Variants in TSHZ2 observed in about 807,000 individuals in gnomAD.
The protein encoded by TSHZ2 is teashirt zinc finger homeobox 2.
Under a neutral mutation model 74.4 loss-of-function variants are expected in TSHZ2, and 21 were observed. The ratio of observed to expected loss-of-function variants is 0.28; its 90% CI spans 0.20 to 0.41. TSHZ2 has a LOEUF of 0.41. TSHZ2 is among the 10% of genes least tolerant of loss of function. The probability of loss-of-function intolerance (pLI) is 1.00; values close to 1 mark genes in which losing one functional copy is unlikely to be tolerated. For missense variants in TSHZ2, 1,244 were observed against 1,293.5 expected, an observed-to-expected ratio of 0.96 and a Z score of 0.59; for synonymous variants, 540 against 515.3, an observed-to-expected ratio of 1.05 and a Z score of -0.65.
At chr20:53,050,126 C>CACATATATATATGT (rs1984390537) in intron 1 of TSHZ2, among the ~76,000 whole-genome samples, 5 of 100,994 alleles carry the variant, frequency 5.0e-5, no homozygotes, top group East Asian at 3.1e-4. Context: ...TATATATATA[C>CACATATATATATGT]ACATATATAT....
intron 1 of TSHZ2, among the ~76,000 whole-genome samples, chr20:53,018,217 T>C (rs1983111054): frequency 6.6e-6 from 1 of 152,168 alleles, no homozygotes. Context: ...GCTAGAAGAC[T>C]CTAGAGTTAT....
intron 1 of TSHZ2, among the ~76,000 whole-genome samples, chr20:53,040,667 G>A (rs1233020419): frequency 6.6e-6 from 1 of 151,998 alleles, no homozygotes; most frequent in African/African-American, 2.4e-5. Flanking sequence ...TGGTTGTGGG[G>A]GCTTAGCCCT....
At chr20:53,199,165 T>G (rs898915693) in intron 1 of TSHZ2, among the ~76,000 whole-genome samples, 1 of 152,232 alleles carries the variant, frequency 6.6e-6, no homozygotes, top group African/African-American at 2.4e-5. Flanking sequence ...AATGTTAGTT[T>G]GTAGAATTAT....
Position 53,128,925 on chromosome 20 carries a change from G to A in TSHZ2, c.41-124574G>A, listed in dbSNP as rs1198652176. On this transcript the variant is annotated intron_variant, in intron 1 of 2. Transcript: ENST00000371497. The stretch of plus-strand genomic sequence containing the variant: ...ATAAGCCACCATGCCTGGCTGGGCA[G>A]GAGCACTTCCATATGCGCCAGGAGA... Among the ~76,000 whole-genome samples, 3 of 151,992 alleles carry A rather than the reference G, an allele frequency of 2.0e-5. No homozygotes were observed. The East Asian group carries it at 5.8e-4, about 29-fold the overall frequency.
intron 1 of TSHZ2, among the ~76,000 whole-genome samples, chr20:52,986,882 A>C (rs907108492): frequency 1.3e-5 from 2 of 152,068 alleles, no homozygotes; most frequent in Admixed American, 1.3e-4. Context: ...AAGAAATATT[A>C]AAAAATCAAT....
At chr20:53,443,103 C>T (rs183545238) in intron 2 of TSHZ2, among the ~76,000 whole-genome samples, 27 of 152,260 alleles carry the variant, frequency 1.8e-4, no homozygotes, top group Admixed American at 1.5e-3. Flanking sequence ...ACATCCATCA[C>T]CATTTAATTC....
At chr20:53,473,930 A>C (rs1354021593) in intron 2 of TSHZ2, among the ~76,000 whole-genome samples, 3 of 152,194 alleles carry the variant, frequency 2.0e-5, no homozygotes, top group Non-Finnish European at 4.4e-5. Flanking sequence ...AAATGAATGA[A>C]ATGAAGCGAG....
chr20:53,182,462 A>G (rs1266073238), intron 1 of TSHZ2, among the ~76,000 whole-genome samples: 1 of 152,250 alleles, frequency 6.6e-6, no homozygotes, highest in Admixed American at 6.5e-5. Context: ...GCATAGAGGT[A>G]ACGAGGTGGG....
intron 2 of TSHZ2, among the ~76,000 whole-genome samples, chr20:53,432,052 C>G (rs559323402): frequency 6.6e-6 from 1 of 152,076 alleles, no homozygotes; most frequent in African/African-American, 2.4e-5. Flanking sequence ...ATATAGTAGT[C>G]AAGTCTGAAA....
At chr20:53,214,288 C>T (rs1042600077) in intron 1 of TSHZ2, among the ~76,000 whole-genome samples, 5 of 152,006 alleles carry the variant, frequency 3.3e-5, no homozygotes, top group East Asian at 1.9e-4. Context: ...GGATGATGGA[C>T]GATTGAACAA....
chr20:53,466,207 T>C (rs6022495), intron 2 of TSHZ2, among the ~76,000 whole-genome samples: 115,987 of 150,864 alleles, frequency 0.77, 45,630 homozygotes, highest in African/African-American at 0.93. Flanking sequence ...GAGATCGTGC[T>C]GTTGCACTCT....
At chr20:53,088,840 T>G (rs1185311585) in intron 1 of TSHZ2, among the ~76,000 whole-genome samples, 1 of 152,174 alleles carries the variant, frequency 6.6e-6, no homozygotes, top group Non-Finnish European at 1.5e-5. Context: ...GAGACTCCAC[T>G]GCCGCTCACC....
intron 2 of TSHZ2, among the ~76,000 whole-genome samples, chr20:53,444,173 T>A (rs1477171543): frequency 6.6e-6 from 1 of 152,192 alleles, no homozygotes; most frequent in Non-Finnish European, 1.5e-5. Context: ...GAAGCCCCAG[T>A]TTCCCTGAGA....
chr20:53,023,941 G>A (rs1328601002), intron 1 of TSHZ2, among the ~76,000 whole-genome samples: 5 of 152,090 alleles, frequency 3.3e-5, no homozygotes, highest in Non-Finnish European at 7.4e-5. Context: ...AGTGTTAAAT[G>A]TCTGTCAGCC....
In TSHZ2 at chr20:53,256,392, G is replaced by C. The variant is rs748087634; in HGVS notation, c.2934G>C (p.Gln978His). 15 of 1,613,884 alleles carry C rather than the reference G, an allele frequency of 9.3e-6. No individual in the cohort carries two copies. Among genetic ancestry groups the C allele is most frequent in the Non-Finnish European group, 1.2e-5 (14 of 1,179,764 alleles). Reference sequence around the variant, plus strand: ...AGATCTCCCGGGTATCGTCGGCTCAGAGGTCTCCAGAAACAATAGCTGCCG... The same window carrying C: ...AGATCTCCCGGGTATCGTCGGCTCACAGGTCTCCAGAAACAATAGCTGCCG... ...EQEISRVSSA[Q>H]RSPETIAAEE... The change falls in exon 2 of 3, where the codon CAG becomes CAC. Residue 978 changes from glutamine (Q) to histidine (H), a missense_variant. By Grantham distance (24) the Gln-to-His change is conservative. Coordinates refer to ENST00000371497, the MANE Select transcript of TSHZ2 (RefSeq NM_173485.6). This position sits in a 1 kb window ranked among gnomAD's most constrained non-coding sequence, Gnocchi z 4.3.
intron 2 of TSHZ2, among the ~76,000 whole-genome samples, chr20:53,284,577 C>T (rs1329531852): frequency 6.6e-6 from 1 of 152,168 alleles, no homozygotes; most frequent in Non-Finnish European, 1.5e-5. Flanking sequence ...GAACACAAAA[C>T]ATTTTTTATC....
intron 2 of TSHZ2, among the ~76,000 whole-genome samples, chr20:53,454,728 G>A (rs1192317068): frequency 1.3e-5 from 2 of 152,026 alleles, no homozygotes; most frequent in Non-Finnish European, 2.9e-5. Flanking sequence ...TTGTCCCATA[G>A]AATGGATGGT....
intron 2 of TSHZ2, among the ~76,000 whole-genome samples, chr20:53,382,710 C>A (rs559733334): frequency 6.4e-4 from 97 of 152,290 alleles, no homozygotes; most frequent in African/African-American, 2.1e-3. Context: ...CTGCAGGAGA[C>A]CAGGATCATA....
intron 1 of TSHZ2, among the ~76,000 whole-genome samples, chr20:53,076,065 C>T (rs1985355178): frequency 2.0e-5 from 3 of 152,198 alleles, no homozygotes; most frequent in Admixed American, 1.3e-4. Flanking sequence ...GGACACTTTT[C>T]ACTTTGTTCT....
Sources: allele counts gnomAD v4.1 joint callset (sites outside exome capture counted in the v4.1 genomes callset), GRCh38; gene constraint gnomAD v4.1.1; non-coding constraint Gnocchi (gnomAD v3.1); transcripts MANE v1.5; gene names NCBI Gene and HGNC (gene_info 2026-07-23, HGNC 2026-07-21).